The following ZMYM2 variants were observed in gnomAD, a reference collection of about 807,000 sequenced individuals.
The protein encoded by ZMYM2 is zinc finger MYM-type containing 2.
Under a neutral mutation model 162.8 loss-of-function variants are expected in ZMYM2, and 56 were observed. The observed-to-expected ratio is 0.34, with a 90% CI of 0.28 to 0.43. ZMYM2 has a LOEUF of 0.43. ZMYM2 is among the 20% of genes least tolerant of loss of function. ZMYM2 has a pLI of 1.00. For missense variants in ZMYM2, 1,275 were observed against 1,621.8 expected (o/e 0.79, Z 3.67); for synonymous variants, 510 against 541.6 (o/e 0.94, Z 0.81).
chr13:19,876,120 G>C, the ZMYM2 span, among the ~76,000 whole-genome samples: 10 of 149,948 alleles, frequency 6.7e-5, no homozygotes, highest in Non-Finnish European at 5.9e-5. Context: ...TCCACCTCCC[G>C]GGTTCACGCC....
the ZMYM2 span, among the ~76,000 whole-genome samples, chr13:19,919,133 CTT>C: frequency 5.6e-5 from 8 of 142,776 alleles, no homozygotes; most frequent in African/African-American, 7.7e-5. Context: ...TTGAGACTGG[CTT>C]TTTTTTTTTT....
chr13:19,953,682 C>CAAAAAAA (rs35266783), upstream of ZMYM2, among the ~76,000 whole-genome samples: 1 of 75,280 alleles, frequency 1.3e-5, no homozygotes, highest in African/African-American at 5.2e-5. Context: ...GACTCTGTCT[C>CAAAAAAA]AAAAAAAAAA....
rs576765544 is a variant in ZMYM2, at chr13:20,061,641, T to G, written c.2911+417T>G. 1.2e-4 allele frequency among the ~76,000 whole-genome samples: 18 copies of G among 151,754 alleles called. No homozygotes were observed. In the South Asian group the frequency reaches 3.5e-3, roughly 30 times the overall value. On this transcript the variant is annotated intron_variant, in intron 17 of 24. Transcript: ENST00000610343. Reference sequence around the variant, plus strand: ...TCTTGCTCTGTTGCCCAGGGTGGAGTGTAGTAGCATGATCCCGGTTCACTG... The same window carrying G: ...TCTTGCTCTGTTGCCCAGGGTGGAGGGTAGTAGCATGATCCCGGTTCACTG...
At chr13:19,955,766 C>T (rs556768870), upstream of ZMYM2, among the ~76,000 whole-genome samples, 18 of 152,222 alleles carry the variant, frequency 1.2e-4, no homozygotes, top group South Asian at 3.5e-3. Flanking sequence ...GTACTACAGG[C>T]GGGTGCCACC....
the ZMYM2 span, among the ~76,000 whole-genome samples, chr13:19,909,897 G>A: frequency 5.9e-5 from 9 of 152,114 alleles, no homozygotes; most frequent in Admixed American, 4.6e-4. Context: ...GGGCCTGAGA[G>A]AAGAGTGGAA....
the ZMYM2 span, among the ~76,000 whole-genome samples, chr13:19,881,017 T>C: frequency 6.6e-6 from 1 of 151,844 alleles, no homozygotes; most frequent in Non-Finnish European, 1.5e-5. Flanking sequence ...GCCTCCCTAG[T>C]AGCTGGGATT....
Position 19,993,902 on chromosome 13 carries a change from C to T in ZMYM2, c.830C>T (p.Ala277Val), listed in dbSNP as rs1220085969. 3.7e-6 allele frequency: 6 copies of T among 1,612,246 alleles called. No homozygotes were observed. The highest frequency in any genetic ancestry group is 1.1e-5 in the South Asian group (1 of 90,710). ...GACGTTTTTCAGAATGGAGAATCTG[C>T]AACTCATCATAATCCTGGTAAGCAG... is the stretch of plus-strand genomic sequence containing the variant. ...AGDVFQNGESATHHNPDSWIS... is the reference protein window; with the variant it reads ...AGDVFQNGESVTHHNPDSWIS... Residue 277 changes from alanine to valine, a missense_variant, in exon 3 of 25, where the codon GCA (alanine) becomes GTA (valine). Transcript: ENST00000610343.
intron 12 of ZMYM2, among the ~76,000 whole-genome samples, chr13:20,042,194 A>G (rs1045790416): frequency 6.6e-6 from 1 of 152,142 alleles, no homozygotes; most frequent in African/African-American, 2.4e-5. Flanking sequence ...CAGGGACACC[A>G]GTTGAGTTAT....
intron 12 of ZMYM2, among the ~76,000 whole-genome samples, chr13:20,043,209 G>T (rs577674867): frequency 7.9e-5 from 12 of 152,304 alleles, no homozygotes; most frequent in South Asian, 6.2e-4. Context: ...GTCTCCTGGA[G>T]CGCAGGTATC....
chr13:20,046,164 A>G (rs575675651), intron 12 of ZMYM2, among the ~76,000 whole-genome samples: 7 of 152,106 alleles, frequency 4.6e-5, no homozygotes, highest in African/African-American at 1.7e-4. Flanking sequence ...AGGCAAGAGA[A>G]TTGCTTGAGC....
At chr13:19,903,355 T>G in the ZMYM2 span, among the ~76,000 whole-genome samples, 7 of 150,216 alleles carry the variant, frequency 4.7e-5, no homozygotes, top group Non-Finnish European at 7.4e-5. Context: ...AATAAAAAAA[T>G]TTGGCTGGGC....
the ZMYM2 span, among the ~76,000 whole-genome samples, chr13:19,940,736 A>G: frequency 3.3e-5 from 5 of 152,226 alleles, no homozygotes; most frequent in African/African-American, 1.2e-4. Flanking sequence ...TTCTCAGTGC[A>G]CTACGGGATG....
At chr13:20,058,095 G>C (rs1955946034) in intron 14 of ZMYM2, among the ~76,000 whole-genome samples, 1 of 152,184 alleles carries the variant, frequency 6.6e-6, no homozygotes, top group Non-Finnish European at 1.5e-5. Flanking sequence ...CTTAAAGTTT[G>C]AGGATATCTT....
the ZMYM2 span, among the ~76,000 whole-genome samples, chr13:19,915,946 G>A: frequency 4.8e-4 from 72 of 150,246 alleles, 2 homozygotes; most frequent in African/African-American, 1.6e-3. Flanking sequence ...TGCAAGCTCC[G>A]CCTCCCGGGT....
intron 10 of ZMYM2, among the ~76,000 whole-genome samples, chr13:20,033,939 C>T (rs1953436392): frequency 6.6e-6 from 1 of 152,088 alleles, no homozygotes; most frequent in Admixed American, 6.6e-5. Flanking sequence ...CTTTAGTTTA[C>T]CTATGCTGTA....
intron 19 of ZMYM2, chr13:20,066,505 TTAGC>T (rs1473398144): frequency 1.1e-5 from 2 of 176,698 alleles, no homozygotes; most frequent in Non-Finnish European, 2.4e-5. Flanking sequence ...TATAATAAAG[TTAGC>T]TAGAGAAAAT....
At chr13:20,018,551 C>T (rs771051226) in intron 6 of ZMYM2, among the ~76,000 whole-genome samples, 7 of 152,124 alleles carry the variant, frequency 4.6e-5, no homozygotes, top group Non-Finnish European at 1.0e-4. Context: ...TTTATCTGTG[C>T]TCTCATTGCT....
the ZMYM2 span, among the ~76,000 whole-genome samples, chr13:19,921,152 T>A: frequency 6.6e-6 from 1 of 151,990 alleles, no homozygotes; most frequent in African/African-American, 2.4e-5. Context: ...TATTTAATTT[T>A]ATTTTGAGAC....
intron 10 of ZMYM2, among the ~76,000 whole-genome samples, chr13:20,031,978 C>A (rs1388070468): frequency 6.9e-6 from 1 of 145,154 alleles, no homozygotes; most frequent in Non-Finnish European, 1.5e-5. Flanking sequence ...TGAGGTGATT[C>A]TCCTGCCTCA....
Sources: gnomAD v4.1 joint callset for allele counts (sites outside exome capture counted in the v4.1 genomes callset) on GRCh38, gnomAD v4.1.1 for gene constraint, MANE v1.5 for transcripts, NCBI Gene and HGNC (gene_info 2026-07-23, HGNC 2026-07-21) for gene names.